The following MLLT3 variants were observed in gnomAD, a reference collection of about 807,000 sequenced individuals.
MLLT3 encodes MLLT3 super elongation complex subunit, also known as protein AF-9.
A neutral mutation model predicts 53.2 loss-of-function variants in MLLT3; 4 were observed. That is an observed-to-expected ratio of 0.08 (90% CI 0.04 to 0.17). MLLT3 has a LOEUF of 0.17. Ranked by LOEUF, MLLT3 falls within the 10% of genes least tolerant of loss-of-function variation. MLLT3 has a pLI of 1.00. For missense variants in MLLT3, 569 were observed against 684.0 expected (o/e 0.83, Z 1.87); for synonymous variants, 283 against 230.6 (o/e 1.23, Z -2.06).
At chr9:20,411,690 C>G (rs1455813880) in intron 5 of MLLT3, 2 of 152,102 alleles carry the variant, frequency 1.3e-5, no homozygotes, top group African/African-American at 4.8e-5. Flanking sequence ...GAAGACTTTT[C>G]AAGGTATACT....
At chr9:20,382,931 GT>G in intron 5 of MLLT3, among the ~76,000 whole-genome samples, 1 of 151,930 alleles carries the variant, frequency 6.6e-6, no homozygotes, top group South Asian at 2.1e-4. Flanking sequence ...CATCCTATCA[GT>G]AATAGCACAC....
intron 2 of MLLT3, among the ~76,000 whole-genome samples, chr9:20,517,674 T>G (rs1587015610): frequency 1.3e-5 from 2 of 151,830 alleles, no homozygotes; most frequent in East Asian, 3.9e-4. Context: ...TCATCTCTAC[T>G]AAAAATACAA....
At chr9:20,618,694 G>C (rs995973137) in intron 2 of MLLT3, among the ~76,000 whole-genome samples, 7 of 152,160 alleles carry the variant, frequency 4.6e-5, no homozygotes, top group African/African-American at 1.7e-4. Flanking sequence ...ACCACGCCTA[G>C]CAACAACTCC....
chr9:20,594,424 G>C (rs1397387391), intron 2 of MLLT3, among the ~76,000 whole-genome samples: 1 of 152,130 alleles, frequency 6.6e-6, no homozygotes, highest in African/African-American at 2.4e-5. Flanking sequence ...AGTTACAGAA[G>C]ATGGATCTTC....
chr9:20,566,066 T>TTG (rs1228928997), intron 2 of MLLT3, among the ~76,000 whole-genome samples: 1,465 of 66,342 alleles, frequency 0.022, 16 homozygotes, highest in Admixed American at 0.03. Flanking sequence ...ATATATATAT[T>TTG]TGTGTATATA....
chr9:20,520,018 T>C (rs1292242163), intron 2 of MLLT3, among the ~76,000 whole-genome samples: 1 of 152,142 alleles, frequency 6.6e-6, no homozygotes, highest in East Asian at 1.9e-4. Flanking sequence ...TATGTAACCA[T>C]AAAAACGAAT....
At chr9:20,480,999 CA>C (rs1563779055) in intron 2 of MLLT3, among the ~76,000 whole-genome samples, 2 of 151,970 alleles carry the variant, frequency 1.3e-5, no homozygotes, top group South Asian at 4.2e-4. Flanking sequence ...CGCACACACA[CA>C]AAAAAGAGTC....
chr9:20,406,370 G>A (rs1021851546), intron 5 of MLLT3, among the ~76,000 whole-genome samples: 14 of 152,120 alleles, frequency 9.2e-5, no homozygotes, highest in African/African-American at 1.9e-4. Context: ...TGCAGTGACC[G>A]TACATAGGAA....
At chr9:20,482,619 C>G (rs1824692431) in intron 2 of MLLT3, among the ~76,000 whole-genome samples, 1 of 152,114 alleles carries the variant, frequency 6.6e-6, no homozygotes, top group Non-Finnish European at 1.5e-5. Context: ...GATTTCCTAC[C>G]TAATACCAGC....
intron 2 of MLLT3, among the ~76,000 whole-genome samples, chr9:20,527,223 A>G (rs1012229126): frequency 3.3e-5 from 5 of 152,190 alleles, no homozygotes; most frequent in African/African-American, 1.2e-4. Context: ...GGAAATCTGG[A>G]GGTGAACCAT....
intron 2 of MLLT3, among the ~76,000 whole-genome samples, chr9:20,501,384 C>T (rs1667213482): frequency 6.6e-6 from 1 of 152,148 alleles, no homozygotes; most frequent in African/African-American, 2.4e-5. Context: ...ACTATGAAGA[C>T]AAATTTACCA....
Position 20,418,446 on chromosome 9 carries a change from TTA to T in MLLT3, c.421-4023_421-4022del, listed in dbSNP as rs1335922870. 6 of 152,340 alleles carry T rather than the reference TTA, an allele frequency of 3.9e-5. No individual in the cohort carries two copies. In the East Asian group the frequency reaches 1.2e-3, roughly 29 times the overall value. 9.4% of individuals were successfully genotyped at this position (152,340 alleles called of 1,614,324 possible). Reference sequence around the variant, plus strand: ...GGTCAGGGGAGGCCTTGAATTTGATTTACTTTTCCCACTTCAATCCCAAATCT... The same window carrying T: ...GGTCAGGGGAGGCCTTGAATTTGATTCTTTTCCCACTTCAATCCCAAATCT... On this transcript the variant is annotated intron_variant, in intron 4 of 10. Transcript: ENST00000380338.
chr9:20,350,077 T>C (rs970312271), intron 10 of MLLT3, among the ~76,000 whole-genome samples: 2 of 152,154 alleles, frequency 1.3e-5, no homozygotes, highest in Non-Finnish European at 2.9e-5. Flanking sequence ...ATCCTGATAG[T>C]TAGAACGTCA....
intron 2 of MLLT3, among the ~76,000 whole-genome samples, chr9:20,519,013 T>C (rs1817987347): frequency 6.6e-6 from 1 of 152,158 alleles, no homozygotes; most frequent in East Asian, 1.9e-4. Context: ...TTCCTTCCTA[T>C]AAAAGGTAAA....
chr9:20,536,865 A>C lies in MLLT3; in HGVS notation c.194-80079T>G, dbSNP rs1244208717. ...TGTTTAACTAGAAAAAAAAAAAAAA[A>C]CTGCCAACAAGCACATACTGTGCAG... On this transcript the variant is annotated intron_variant, in intron 2 of 10. Transcript: ENST00000380338. 2.0e-5 allele frequency among the ~76,000 whole-genome samples: 3 copies of C among 152,058 alleles called. No individual in the cohort carries two copies. The East Asian group carries it at 5.8e-4, about 29-fold the overall frequency.
intron 4 of MLLT3, among the ~76,000 whole-genome samples, chr9:20,426,052 G>A (rs914132770): frequency 6.6e-6 from 1 of 151,782 alleles, no homozygotes; most frequent in Non-Finnish European, 1.5e-5. Context: ...TATGTTGTAC[G>A]TGCTATAAAA....
At chr9:20,544,513 T>C in intron 2 of MLLT3, among the ~76,000 whole-genome samples, 1 of 152,172 alleles carries the variant, frequency 6.6e-6, no homozygotes, top group South Asian at 2.1e-4. Context: ...TATCAGGGAA[T>C]GCAAATGAAG....
At chr9:20,364,321 A>G (rs898432055) in intron 6 of MLLT3, among the ~76,000 whole-genome samples, 4 of 152,234 alleles carry the variant, frequency 2.6e-5, no homozygotes, top group Admixed American at 6.5e-5. Flanking sequence ...AAAAAGAAAA[A>G]AAATCAAACT....
intron 5 of MLLT3, among the ~76,000 whole-genome samples, chr9:20,397,939 C>G (rs1305885757): frequency 6.6e-6 from 1 of 151,838 alleles, no homozygotes; most frequent in Non-Finnish European, 1.5e-5. Flanking sequence ...CAACTAAGAC[C>G]CTAATTTTTA....
Sources: allele counts gnomAD v4.1 joint callset (sites outside exome capture counted in the v4.1 genomes callset), GRCh38; gene constraint gnomAD v4.1.1; transcripts MANE v1.5; gene names NCBI Gene and HGNC (gene_info 2026-07-23, HGNC 2026-07-21).